Variants in GALNT14 observed in about 807,000 individuals in gnomAD.
GALNT14 encodes the protein polypeptide N-acetylgalactosaminyltransferase 14, also known as UDP-GalNAc:polypeptide N-acetylgalactosaminyltransferase 14.
Under a neutral mutation model 77.5 loss-of-function variants are expected in GALNT14, and 60 were observed. The ratio of observed to expected loss-of-function variants is 0.77; its 90% CI spans 0.63 to 0.96. The LOEUF (loss-of-function observed/expected upper bound fraction) is 0.96. Among genes scored for constraint, GALNT14 ranks in the 40% least tolerant of loss-of-function variants. The pLI is 0.00. For synonymous variants in GALNT14, 280 were observed against 281.7 expected, an observed-to-expected ratio of 0.99 and a Z score of 0.06; for missense variants, 710 against 731.0, an observed-to-expected ratio of 0.97 and a Z score of 0.33.
intron 8 of GALNT14, 86 bp from the exon 9 acceptor site, chr2:30,942,390 C>T (rs1666428980): frequency 1.1e-6 from 1 of 933,162 alleles, no homozygotes; most frequent in Non-Finnish European, 1.7e-6. Flanking sequence ...TCTGAAACAC[C>T]CATTTCCCAT....
chr2:30,907,486 T>A (rs186911030), downstream of GALNT14, among the ~76,000 whole-genome samples: 1 of 152,232 alleles, frequency 6.6e-6, no homozygotes, highest in African/African-American at 2.4e-5. Context: ...CCTCGACACA[T>A]ACACTCTCCC....
At chr2:31,101,063 A>G (rs1163631484) in intron 1 of GALNT14, among the ~76,000 whole-genome samples, 1 of 152,074 alleles carries the variant, frequency 6.6e-6, no homozygotes, top group Non-Finnish European at 1.5e-5. Flanking sequence ...AGATTGTATC[A>G]AAGCATCATG....
At chr2:31,080,502 T>C (rs1019049991) in intron 1 of GALNT14, among the ~76,000 whole-genome samples, 7 of 152,206 alleles carry the variant, frequency 4.6e-5, no homozygotes, top group Admixed American at 2.6e-4. Context: ...CCAACAAAGG[T>C]CAGCTGTAAA....
At chr2:30,919,911 T>C (rs1033608567) in intron 13 of GALNT14, among the ~76,000 whole-genome samples, 2 of 152,188 alleles carry the variant, frequency 1.3e-5, no homozygotes, top group African/African-American at 4.8e-5. Context: ...GGGACTACTC[T>C]CTGGCATGGT....
At chr2:31,111,563 G>A (rs1356488200) in intron 1 of GALNT14, among the ~76,000 whole-genome samples, 1 of 152,014 alleles carries the variant, frequency 6.6e-6, no homozygotes, top group African/African-American at 2.4e-5. Flanking sequence ...AACCCATTAA[G>A]CAGAAAATAA....
intron 9 of GALNT14, among the ~76,000 whole-genome samples, chr2:30,936,009 C>A (rs62139547): frequency 6.6e-6 from 1 of 152,136 alleles, no homozygotes; most frequent in South Asian, 2.1e-4. Context: ...TGAGTCAGCG[C>A]CCACATAATC....
chr2:31,129,704 G>T, intron 1 of GALNT14: 6 of 932,044 alleles, frequency 6.4e-6, no homozygotes, highest in South Asian at 4.9e-5. Flanking sequence ...GATTGGACCA[G>T]TCTCTATGGC....
At chr2:30,902,325 T>C in the GALNT14 span, among the ~76,000 whole-genome samples, 12 of 152,208 alleles carry the variant, frequency 7.9e-5, no homozygotes, top group Middle Eastern at 3.2e-3. Context: ...TGCACAGTTG[T>C]AGAGATTCCT....
chr2:30,971,527 C>A (rs369240660), intron 2 of GALNT14, among the ~76,000 whole-genome samples: 27 of 152,224 alleles, frequency 1.8e-4, no homozygotes, highest in African/African-American at 6.5e-4. Flanking sequence ...CATGCTGTTT[C>A]TTTCTCTTCC....
At chr2:31,083,517 C>G (rs538262918) in intron 1 of GALNT14, among the ~76,000 whole-genome samples, 1 of 152,104 alleles carries the variant, frequency 6.6e-6, no homozygotes, top group African/African-American at 2.4e-5. Context: ...AGGATCTGGC[C>G]GTGTCTGGGT....
chr2:31,015,116 C>T (rs1185911612), intron 1 of GALNT14, among the ~76,000 whole-genome samples: 1 of 151,918 alleles, frequency 6.6e-6, no homozygotes, highest in African/African-American at 2.4e-5. Flanking sequence ...TTGGTGAAAC[C>T]TCATCTCTAC....
At chr2:31,017,629 C>G (rs1286630627) in intron 1 of GALNT14, among the ~76,000 whole-genome samples, 9 of 152,122 alleles carry the variant, frequency 5.9e-5, no homozygotes, top group Admixed American at 1.3e-4. Context: ...GGGGCCCACT[C>G]TGCAAGAAAA....
chr2:30,944,175 A>T (rs1666548450), intron 8 of GALNT14, among the ~76,000 whole-genome samples: 1 of 152,128 alleles, frequency 6.6e-6, no homozygotes, highest in Non-Finnish European at 1.5e-5. Flanking sequence ...GTAGGACACC[A>T]AGACCATCAC....
intron 1 of GALNT14, among the ~76,000 whole-genome samples, chr2:31,080,221 A>G (rs1676073767): frequency 6.6e-6 from 1 of 152,286 alleles, no homozygotes; most frequent in East Asian, 1.9e-4. Context: ...CAGCAAGAAA[A>G]ACCAAACCAA....
intron 1 of GALNT14, among the ~76,000 whole-genome samples, chr2:31,111,585 C>A (rs1437611759): frequency 2.0e-5 from 3 of 149,310 alleles, no homozygotes; most frequent in Non-Finnish European, 3.0e-5. Context: ...CTATAACAAA[C>A]CACCACAAAT....
chr2:30,957,109 G>C (rs1667415218), intron 4 of GALNT14, among the ~76,000 whole-genome samples: 1 of 151,982 alleles, frequency 6.6e-6, no homozygotes, highest in Admixed American at 6.6e-5. Flanking sequence ...CACCATTGTG[G>C]TTTTGCTTTA....
the GALNT14 span, among the ~76,000 whole-genome samples, chr2:30,891,209 G>C: frequency 6.6e-6 from 1 of 152,128 alleles, no homozygotes; most frequent in Non-Finnish European, 1.5e-5. Flanking sequence ...ATCACCTAGA[G>C]GATTTTCTCA....
intron 1 of GALNT14, among the ~76,000 whole-genome samples, chr2:31,000,080 TTTGTCCCTA>T (rs1670273388): frequency 6.6e-6 from 1 of 152,176 alleles, no homozygotes; most frequent in Non-Finnish European, 1.5e-5. Context: ...TCCTGTTCTA[TTTGTCCCTA>T]GGTAGTAAGC....
chr2:31,034,493 A>C (rs927321349), intron 1 of GALNT14, among the ~76,000 whole-genome samples: 2 of 152,098 alleles, frequency 1.3e-5, no homozygotes, highest in Non-Finnish European at 2.9e-5. Flanking sequence ...GCTTTACCTG[A>C]CTAGACCCTC....
Sources: gnomAD v4.1 joint callset for allele counts (sites outside exome capture counted in the v4.1 genomes callset) on GRCh38, gnomAD v4.1.1 for gene constraint, MANE v1.5 for transcripts, NCBI Gene and HGNC (gene_info 2026-07-23, HGNC 2026-07-21) for gene names.